ARID1B: variants seen among roughly 807,000 people sequenced by gnomAD.
The protein encoded by ARID1B is AT-rich interactive domain-containing protein 1B.
In ARID1B, 30 loss-of-function variants were observed where a neutral mutation model predicts 212.3. That is an observed-to-expected ratio of 0.14 (90% confidence interval 0.11 to 0.19). The LOEUF is 0.19. Among genes scored for constraint, ARID1B ranks in the 10% least tolerant of loss-of-function variants. The pLI is 1.00. For missense variants in ARID1B, 2,891 were observed against 3,204.0 expected (o/e 0.90, Z 2.36); for synonymous variants, 1,402 against 1,301.7 (o/e 1.08, Z -1.66).
intron 1 of ARID1B, among the ~76,000 whole-genome samples, chr6:156,818,681 A>T (rs961947030): frequency 2.6e-5 from 4 of 152,174 alleles, no homozygotes; most frequent in African/African-American, 9.7e-5. Context: ...ACCTGATGAC[A>T]TACTTTTAGG....
At chr6:157,043,070 A>T (rs1781995543) in intron 4 of ARID1B, among the ~76,000 whole-genome samples, 1 of 152,220 alleles carries the variant, frequency 6.6e-6, no homozygotes, top group African/African-American at 2.4e-5. Flanking sequence ...TGAACATAAG[A>T]TGTTAAAGTA....
At chr6:156,968,033 C>T (rs1008587634) in intron 4 of ARID1B, among the ~76,000 whole-genome samples, 4 of 152,202 alleles carry the variant, frequency 2.6e-5, no homozygotes, top group African/African-American at 7.2e-5. Context: ...TTAGGTCACA[C>T]GTGACCTTTC....
chr6:157,148,117 G>C lies in ARID1B; in HGVS notation c.2762-507G>C, dbSNP rs930872108. 4.6e-5 allele frequency among the ~76,000 whole-genome samples: 7 copies of C among 151,908 alleles called. No individual in the cohort carries two copies. The highest frequency in any genetic ancestry group is 1.7e-4 in the African/African-American group (7 of 41,322). On this transcript the variant is annotated intron_variant, in intron 7 of 19. Coordinates refer to ENST00000636930, the MANE Select transcript of ARID1B (RefSeq NM_001374828.1). This position sits in a 1 kb window ranked among gnomAD's most constrained non-coding sequence, Gnocchi z 5.6. ...ACTGGGGCTCATGTCAGGTTCCCGC[G>C]TGACACCTTCCTGTGGGGTTTTAAA...
At chr6:156,900,398 T>C (rs62434275) in intron 2 of ARID1B, among the ~76,000 whole-genome samples, 9,853 of 152,308 alleles carry the variant, frequency 0.065, 358 homozygotes, top group Middle Eastern at 0.12. Context: ...CATTCAGTAT[T>C]TCTATAGTGG....
chr6:157,021,478 G>A (rs565027921), intron 4 of ARID1B, among the ~76,000 whole-genome samples: 1 of 152,194 alleles, frequency 6.6e-6, no homozygotes, highest in East Asian at 1.9e-4. Context: ...GGCCCCGCTC[G>A]CTCCTTTCGG....
At chr6:156,965,961 T>A (rs1034666169) in intron 4 of ARID1B, among the ~76,000 whole-genome samples, 5 of 152,224 alleles carry the variant, frequency 3.3e-5, no homozygotes, top group African/African-American at 7.2e-5. Flanking sequence ...ACATACCTGC[T>A]TTGCTTTTAT....
rs543666557 is a variant in ARID1B, at chr6:157,030,951, C to T, written c.2248-53711C>T. Among the ~76,000 whole-genome samples the T allele has an allele frequency of 9.6e-4, 146 of 152,138 alleles. 1 individual carries two copies. The highest frequency in any genetic ancestry group is 3.4e-3 in the African/African-American group (140 of 41,506). On this transcript the variant is annotated intron_variant, in intron 4 of 19. Coordinates refer to ENST00000636930, the MANE Select transcript of ARID1B (RefSeq NM_001374828.1). ...CACTGCTGGCTAACGGTGCACTGAGCGATTTCAGCAAGCCATGTCCTTCAG... is the reference window on the plus strand; with the variant it reads ...CACTGCTGGCTAACGGTGCACTGAGTGATTTCAGCAAGCCATGTCCTTCAG...
chr6:157,002,982 G>A (rs758559373), intron 4 of ARID1B, among the ~76,000 whole-genome samples: 13 of 152,312 alleles, frequency 8.5e-5, no homozygotes, highest in Non-Finnish European at 1.5e-4. Context: ...ACATGCCAGA[G>A]CATGGTGTAT....
At chr6:156,945,099 A>ATTTTT (rs199862964) in intron 4 of ARID1B, among the ~76,000 whole-genome samples, 1 of 104,632 alleles carries the variant, frequency 9.6e-6, no homozygotes. Context: ...ATTTTTTTGT[A>ATTTTT]TATTTTTTTT....
chr6:157,110,112 A>T (rs1446147696), intron 5 of ARID1B, among the ~76,000 whole-genome samples: 1 of 152,188 alleles, frequency 6.6e-6, no homozygotes, highest in Non-Finnish European at 1.5e-5. Flanking sequence ...ATGCCTGCCC[A>T]CCTGGAGACT....
At chr6:157,139,380 G>A (rs373527440) in intron 7 of ARID1B, among the ~76,000 whole-genome samples, 32 of 152,278 alleles carry the variant, frequency 2.1e-4, no homozygotes, top group African/African-American at 6.7e-4. Context: ...CCATTTATTC[G>A]AATGTTTAAA....
At chr6:157,012,961 C>A (rs1489045593) in intron 4 of ARID1B, among the ~76,000 whole-genome samples, 1 of 152,212 alleles carries the variant, frequency 6.6e-6, no homozygotes, top group Non-Finnish European at 1.5e-5. Flanking sequence ...CTCACCGCAA[C>A]CTCTGCCTCC....
In ARID1B at chr6:157,060,630, C is replaced by CTTTTTTTTTTTTTTTTTTTTTTTT. The variant is rs56870548; in HGVS notation, c.2248-24029_2248-24006dup. 2.8e-5 allele frequency among the ~76,000 whole-genome samples: 2 copies of CTTTTTTTTTTTTTTTTTTTTTTTT among 72,044 alleles called. 1 individual carries two copies. The highest frequency in any genetic ancestry group is 1.3e-4 in the African/African-American group (2 of 15,958). The allele number at this position is 72,044 out of a possible 152,430, so 47.3% of individuals were successfully genotyped here. ...TAATATATGTGAAGCAAAATCTGAA[C>CTTTTTTTTTTTTTTTTTTTTTTTT]TTTTTTTTTTTTTTTTTTTTTTTTT... On this transcript the variant is annotated intron_variant, in intron 4 of 19. Coordinates refer to ENST00000636930, the MANE Select transcript of ARID1B (RefSeq NM_001374828.1).
chr6:157,023,258 A>G (rs1451310898), intron 4 of ARID1B: 1 of 152,222 alleles, frequency 6.6e-6, no homozygotes, highest in East Asian at 1.9e-4. Context: ...GAGGATAAAC[A>G]CTGATTGGTT....
intron 2 of ARID1B, among the ~76,000 whole-genome samples, chr6:156,896,460 C>G (rs1157701111): frequency 6.6e-6 from 1 of 150,912 alleles, no homozygotes; most frequent in Admixed American, 6.6e-5. Flanking sequence ...CCTGTAATCC[C>G]AGCTACTCAG....
intron 2 of ARID1B, among the ~76,000 whole-genome samples, chr6:156,835,435 G>A (rs1235702925): frequency 6.6e-6 from 1 of 152,082 alleles, no homozygotes; most frequent in African/African-American, 2.4e-5. Context: ...TTTCCGAAAA[G>A]TGAGAGAAGA....
rs182914006 is a variant in ARID1B, at chr6:156,966,868, T to C, written c.2247+31292T>C. On this transcript the variant is annotated intron_variant, in intron 4 of 19. Coordinates refer to ENST00000636930, the MANE Select transcript of ARID1B (RefSeq NM_001374828.1). ...GGCATGTGCCACCATGCTTGGCTAA[T>C]TTTATATTTTTAGTAGAGATGGGGT... 1.1e-4 allele frequency among the ~76,000 whole-genome samples: 16 copies of C among 151,996 alleles called. No homozygotes were observed. In the East Asian group the frequency reaches 2.5e-3, roughly 24 times the overall value.
At chr6:156,891,879 T>TG (rs1273302314) in intron 2 of ARID1B, among the ~76,000 whole-genome samples, 5 of 150,534 alleles carry the variant, frequency 3.3e-5, no homozygotes, top group African/African-American at 1.2e-4. Flanking sequence ...TTTCTGTTTT[T>TG]TTTTTTTTTT....
At chr6:157,028,442 G>T (rs111924518) in intron 4 of ARID1B, among the ~76,000 whole-genome samples, 1 of 152,166 alleles carries the variant, frequency 6.6e-6, no homozygotes, top group Non-Finnish European at 1.5e-5. Context: ...TTTACATAAA[G>T]ATCTAAAGGG....
Sources: allele counts gnomAD v4.1 joint callset (sites outside exome capture counted in the v4.1 genomes callset), GRCh38; gene constraint gnomAD v4.1.1; non-coding constraint Gnocchi (gnomAD v3.1); transcripts MANE v1.5; gene names NCBI Gene and HGNC (gene_info 2026-07-23, HGNC 2026-07-21).